PTPN14: variants seen among roughly 807,000 people sequenced by gnomAD.
The protein encoded by PTPN14 is tyrosine-protein phosphatase non-receptor type 14.
A neutral mutation model predicts 126.8 loss-of-function variants in PTPN14; 53 were observed. The ratio of observed to expected loss-of-function variants is 0.42; its 90% CI spans 0.34 to 0.53. The LOEUF is 0.53. PTPN14 is among the 20% of genes least tolerant of loss of function. The pLI is 0.08. For missense variants in PTPN14, 1,257 were observed against 1,552.9 expected (o/e 0.81, Z 3.20); for synonymous variants, 630 against 599.3 (o/e 1.05, Z -0.75).
chr1:214,398,452 T>C (rs1658937212), intron 7 of PTPN14, among the ~76,000 whole-genome samples: 1 of 152,068 alleles, frequency 6.6e-6, no homozygotes, highest in African/African-American at 2.4e-5. Context: ...GTGTTTGTTG[T>C]TGTTTGTTTG....
At chr1:214,496,006 T>TCA (rs1420579153) in intron 1 of PTPN14, among the ~76,000 whole-genome samples, 1 of 152,140 alleles carries the variant, frequency 6.6e-6, no homozygotes, top group Middle Eastern at 3.2e-3. Flanking sequence ...CATGTGTTAT[T>TCA]TTAATACATT....
intron 1 of PTPN14, among the ~76,000 whole-genome samples, chr1:214,537,515 A>G (rs998133024): frequency 6.6e-6 from 1 of 152,216 alleles, no homozygotes; most frequent in African/African-American, 2.4e-5. Context: ...TCTCATCTAC[A>G]ATAGGCCAAA....
At chr1:214,376,564 G>A (rs1571958642) in intron 14 of PTPN14, 127 bp from the exon 15 acceptor site, 3 of 785,960 alleles carry the variant, frequency 3.8e-6, no homozygotes, top group African/African-American at 1.8e-5. Context: ...TCAATGCTTG[G>A]TTTGTCTCAT....
intron 17 of PTPN14, among the ~76,000 whole-genome samples, chr1:214,368,351 G>A (rs982572845): frequency 2.0e-5 from 3 of 151,802 alleles, no homozygotes; most frequent in South Asian, 2.1e-4. Context: ...ACAGACATGC[G>A]CCACCACACC....
At chr1:214,423,419 CTG>C (rs1439779915) in intron 3 of PTPN14, among the ~76,000 whole-genome samples, 1 of 152,192 alleles carries the variant, frequency 6.6e-6, no homozygotes, top group Non-Finnish European at 1.5e-5. Context: ...ACCACAGACT[CTG>C]TATGGATGGG....
rs1037463959 is a variant in PTPN14 at position 214,357,001 on chromosome 1, TTC to T, written c.*919_*920del. On this transcript the variant is annotated 3_prime_UTR_variant, in exon 19 of 19. Coordinates refer to ENST00000366956, the MANE Select transcript of PTPN14 (RefSeq NM_005401.5). ...TCCTCAAAGGCCCTGCCCAACTCCTTTCTCTTTCTAGGTCTGCTATCCTCTCT... is the reference window on the plus strand; with the variant it reads ...TCCTCAAAGGCCCTGCCCAACTCCTTTCTTTCTAGGTCTGCTATCCTCTCT... The T allele has an allele frequency of 6.6e-6, 1 of 152,276 alleles. No individual in the cohort carries two copies. Among genetic ancestry groups the T allele is most frequent in the Non-Finnish European group, 1.5e-5 (1 of 68,120 alleles). The allele number at this position is 152,276 out of a possible 1,614,324, so 9.4% of individuals were successfully genotyped here. A position where few individuals can be genotyped will look rare whatever the true frequency, so the allele number is the denominator to read the frequency against.
chr1:214,383,706 C>T lies in PTPN14; in HGVS notation c.2149G>A (p.Ala717Thr). Reference sequence around the variant, plus strand: ...GGGATCTGGGGCACCGATTCTGGAGCCTCCTCCTCCTCCTCCTCACTCTCG... The same window carrying T: ...GGGATCTGGGGCACCGATTCTGGAGTCTCCTCCTCCTCCTCCTCACTCTCG... ...SSESEEEEEEAPESVPQIPML... is the reference protein window; with the variant it reads ...SSESEEEEEETPESVPQIPML... The change falls in exon 13 of 19, where the codon GCT (alanine) becomes ACT (threonine). Residue 717 changes from alanine to threonine, a missense_variant. Ala to Thr is a moderately conservative substitution (Grantham distance 58). Coordinates refer to ENST00000366956, the MANE Select transcript of PTPN14 (RefSeq NM_005401.5). The surrounding 1 kb of genome is among the most constrained non-coding windows in gnomAD (Gnocchi z 4.4). The T allele has an allele frequency of 6.6e-7, 1 of 1,509,506 alleles. No homozygotes were observed. The highest frequency in any genetic ancestry group is 8.9e-7 in the Non-Finnish European group (1 of 1,119,924). 93.5% of individuals were successfully genotyped at this position (1,509,506 alleles called of 1,614,324 possible). A position where few individuals can be genotyped will look rare whatever the true frequency, so the allele number is the denominator to read the frequency against.
chr1:214,450,211 C>G (rs560935686), intron 3 of PTPN14, among the ~76,000 whole-genome samples: 4 of 151,362 alleles, frequency 2.6e-5, no homozygotes, highest in Admixed American at 6.6e-5. Flanking sequence ...GTGGCTCACC[C>G]CTGTCATCCT....
At chr1:214,483,509 C>T in intron 1 of PTPN14, 1 of 666,608 alleles carries the variant, frequency 1.5e-6, no homozygotes, top group Non-Finnish European at 2.6e-6. Flanking sequence ...CTTTCACTGT[C>T]TTGAAGTTTC....
At chr1:214,509,408 C>A (rs1654917796) in intron 1 of PTPN14, among the ~76,000 whole-genome samples, 1 of 152,206 alleles carries the variant, frequency 6.6e-6, no homozygotes, top group African/African-American at 2.4e-5. Flanking sequence ...GCTTCCTCAC[C>A]TCTCTCAGTC....
chr1:214,386,154 T>C (rs1658603743), intron 12 of PTPN14, among the ~76,000 whole-genome samples: 1 of 152,196 alleles, frequency 6.6e-6, no homozygotes, highest in Non-Finnish European at 1.5e-5. Context: ...TCTATAACTG[T>C]AAAATAGAAA....
At chr1:214,443,799 G>A (rs1233794421) in intron 3 of PTPN14, among the ~76,000 whole-genome samples, 2 of 152,232 alleles carry the variant, frequency 1.3e-5, no homozygotes, top group African/African-American at 4.8e-5. Flanking sequence ...ACAGACCCAT[G>A]AAGCTGGTCC....
At chr1:214,520,065 A>AAAAAAAAAAAAAAAAAAAAAAATATATAT in intron 1 of PTPN14, among the ~76,000 whole-genome samples, 1 of 71,142 alleles carries the variant, frequency 1.4e-5, no homozygotes, top group Non-Finnish European at 2.4e-5. Flanking sequence ...AAAAAAAAAA[A>AAAAAAAAAAAAAAAAAAAAAAATATATAT]ATATATATAT....
In PTPN14 at chr1:214,542,344, G is replaced by A. The variant is rs556305033; in HGVS notation, c.-155+8839C>T. Among the ~76,000 whole-genome samples, 7 of 152,334 alleles carry A rather than the reference G, an allele frequency of 4.6e-5. No individual in the cohort carries two copies. In the South Asian group the frequency reaches 8.3e-4, roughly 18 times the overall value. On this transcript the variant is annotated intron_variant, in intron 1 of 18. Transcript: ENST00000366956. Reference sequence around the variant, plus strand: ...TAGCATAGAAGGGAGACTGGTGCCCGCACCAAGAGAGGGGACAGCATACAC... The same window carrying A: ...TAGCATAGAAGGGAGACTGGTGCCCACACCAAGAGAGGGGACAGCATACAC...
At chr1:214,479,570 C>A (rs993527230) in intron 1 of PTPN14, among the ~76,000 whole-genome samples, 8 of 151,960 alleles carry the variant, frequency 5.3e-5, no homozygotes, top group Non-Finnish European at 8.8e-5. Flanking sequence ...AAACTCCTGA[C>A]CTCAGTTCAT....
At chr1:214,397,044 A>T (rs1266510182) in intron 8 of PTPN14, among the ~76,000 whole-genome samples, 1 of 152,230 alleles carries the variant, frequency 6.6e-6, no homozygotes, top group African/African-American at 2.4e-5. Context: ...GCAAGAGAAT[A>T]TCATAAAAAC....
chr1:214,413,044 T>C (rs1429987494), intron 4 of PTPN14, among the ~76,000 whole-genome samples: 1 of 151,706 alleles, frequency 6.6e-6, no homozygotes, highest in Non-Finnish European at 1.5e-5. Context: ...TAATTTTTTA[T>C]TTTTACTTTT....
At chr1:214,482,917 G>T in intron 1 of PTPN14, 1 of 1,596,572 alleles carries the variant, frequency 6.3e-7, no homozygotes, top group South Asian at 1.1e-5. Context: ...GCACAGGCTG[G>T]AGCTCCCACT....
At chr1:214,467,804 T>C (rs1241993404) in intron 1 of PTPN14, among the ~76,000 whole-genome samples, 2 of 152,226 alleles carry the variant, frequency 1.3e-5, no homozygotes, top group Admixed American at 1.3e-4. Flanking sequence ...ATATATCTCC[T>C]AGAAAATACA....
Sources: gnomAD v4.1 joint callset for allele counts (sites outside exome capture counted in the v4.1 genomes callset) on GRCh38, gnomAD v4.1.1 for gene constraint, Gnocchi (gnomAD v3.1) non-coding constraint, MANE v1.5 for transcripts, NCBI Gene and HGNC (gene_info 2026-07-23, HGNC 2026-07-21) for gene names.